The following PTPN3 variants were observed in gnomAD, a reference collection of about 807,000 sequenced individuals.
PTPN3 encodes protein tyrosine phosphatase non-receptor type 3.
Under a neutral mutation model 132.7 loss-of-function variants are expected in PTPN3, and 96 were observed. That is an observed-to-expected ratio of 0.72 (90% CI 0.61 to 0.86). The LOEUF is 0.86. Among genes scored for constraint, PTPN3 ranks in the 40% least tolerant of loss-of-function variants. The probability of loss-of-function intolerance (pLI) is 0.00; values close to 1 mark genes in which losing one functional copy is unlikely to be tolerated. For synonymous variants in PTPN3, 398 were observed against 429.0 expected (o/e 0.93, Z 0.89); for missense variants, 1,125 against 1,159.6 (o/e 0.97, Z 0.43).
In PTPN3 at chr9:109,379,585, C is replaced by T. The variant is rs962382044; in HGVS notation, c.2713G>A (p.Gly905Ser). ...CTAGGATCCAGCATTTGGACTAAAC[C>T]TTCTTCATACACACGAAGAATCGCT... is the stretch of plus-strand genomic sequence containing the variant. Reference protein sequence around the residue: ...CEAILRVYEEGLVQMLDPS With the variant: ...CEAILRVYEESLVQMLDPS Residue 905 changes from glycine to serine, a missense_variant, in exon 26 of 26, where the codon GGT becomes AGT. By Grantham distance (56) the Gly-to-Ser change is moderately conservative (BLOSUM62 0). Coordinates refer to ENST00000374541, the MANE Select transcript of PTPN3 (RefSeq NM_002829.4). The T allele has an allele frequency of 6.8e-6, 11 of 1,614,016 alleles. No individual in the cohort carries two copies. Among genetic ancestry groups the T allele is most frequent in the Non-Finnish European group, 9.3e-6 (11 of 1,179,992 alleles).
In PTPN3 at chr9:109,391,424, A is replaced by G. The variant is rs186978273; in HGVS notation, c.2044+47T>C. ...GACAATCTGTTTTAAAAAGGGAAAC[A>G]TTATCTCAGTGTAGGGGGGAAGGAG... is the stretch of plus-strand genomic sequence containing the variant. On this transcript the variant is annotated intron_variant, in intron 20 of 25. Coordinates refer to ENST00000374541, the MANE Select transcript of PTPN3 (RefSeq NM_002829.4). 9.3e-5 allele frequency: 143 copies of G among 1,541,808 alleles called. No individual in the cohort carries two copies. In the African/African-American group the frequency reaches 1.6e-3, roughly 18 times the overall value.
At chr9:109,417,974 A>C (rs1842643573) in intron 14 of PTPN3, among the ~76,000 whole-genome samples, 2 of 152,232 alleles carry the variant, frequency 1.3e-5, no homozygotes, top group Non-Finnish European at 2.9e-5. Flanking sequence ...CAGTGCTTGA[A>C]GGAGTGAATT....
chr9:109,450,850 C>T (rs896984802), intron 5 of PTPN3: 4 of 985,390 alleles, frequency 4.1e-6, no homozygotes, highest in Non-Finnish European at 4.8e-6. Context: ...ATGTAATGAC[C>T]TCTCTGCCTA....
rs775740833 is a variant in PTPN3 at position 109,463,282 on chromosome 9, A to G, written c.138+15T>C. The G allele has an allele frequency of 1.9e-6, 3 of 1,538,472 alleles. No homozygotes were observed. In the African/African-American group the frequency reaches 4.2e-5, roughly 22 times the overall value. On this transcript the variant is annotated intron_variant, in intron 2 of 25. Coordinates refer to ENST00000374541, the MANE Select transcript of PTPN3 (RefSeq NM_002829.4). The stretch of plus-strand genomic sequence containing the variant: ...TTAATTCAGGAAAAGTAAAAAAAAA[A>G]AGTAGAGAACTTACAGTAACTTTAA...
At chr9:109,485,189 T>C (rs920473789) in intron 1 of PTPN3, among the ~76,000 whole-genome samples, 13 of 150,924 alleles carry the variant, frequency 8.6e-5, no homozygotes, top group South Asian at 2.1e-4. Context: ...GCTTGGGTGA[T>C]AGAGTGAGAC....
At chr9:109,423,159 C>T (rs912912243) in intron 12 of PTPN3, among the ~76,000 whole-genome samples, 1 of 152,206 alleles carries the variant, frequency 6.6e-6, no homozygotes, top group African/African-American at 2.4e-5. Context: ...AAATACAGCT[C>T]CAGTGATTTC....
chr9:109,466,985 C>A (rs1028104623), intron 1 of PTPN3, among the ~76,000 whole-genome samples: 2 of 152,042 alleles, frequency 1.3e-5, no homozygotes, highest in Non-Finnish European at 2.9e-5. Context: ...CTCCCTTCTT[C>A]CTTAGATAAG....
chr9:109,516,465 A>G, the PTPN3 span, among the ~76,000 whole-genome samples: 1 of 152,168 alleles, frequency 6.6e-6, no homozygotes, highest in African/African-American at 2.4e-5. Flanking sequence ...GAAAGGGGAG[A>G]ACATTCTTGG....
At chr9:109,502,290 A>G (rs1182919959), upstream of PTPN3, among the ~76,000 whole-genome samples, 2 of 152,226 alleles carry the variant, frequency 1.3e-5, no homozygotes, top group African/African-American at 4.8e-5. Flanking sequence ...AGACTTGGGA[A>G]GTCTGCCCTA....
At position 109,383,467 on chromosome 9, in the gene PTPN3, T is replaced by G; in HGVS notation, c.2338A>C (p.Thr780Pro). Residue 780 changes from threonine (T) to proline (P), a missense_variant, in exon 23 of 26, where the codon ACC becomes CCC. By Grantham distance (38) the Thr-to-Pro change is conservative (BLOSUM62 -1). Transcript: ENST00000374541. ...ATTTCTCGGGACACATAGGCGATGGTGCAGTCCTCTGACTGACACTGGATG... is the reference window on the plus strand; with the variant it reads ...ATTTCTCGGGACACATAGGCGATGGGGCAGTCCTCTGACTGACACTGGATG... The part of the protein sequence containing the change: ...FHIQCQSEDC[T>P]IAYVSREMLV... 1.2e-6 allele frequency: 2 copies of G among 1,613,684 alleles called. No homozygotes were observed. Among genetic ancestry groups the G allele is most frequent in the Middle Eastern group, 1.7e-4 (1 of 6,060 alleles).
At chr9:109,520,415 A>C in the PTPN3 span, among the ~76,000 whole-genome samples, 2 of 152,242 alleles carry the variant, frequency 1.3e-5, no homozygotes, top group Non-Finnish European at 2.9e-5. Context: ...AAAGAAATGG[A>C]AAGGAAAAAA....
chr9:109,415,032 G>GTCCA (rs1842364857), intron 14 of PTPN3, among the ~76,000 whole-genome samples: 1 of 147,574 alleles, frequency 6.8e-6, no homozygotes, highest in South Asian at 2.3e-4. Context: ...TTGTCCGTCT[G>GTCCA]TCCGTCCGTC....
intron 5 of PTPN3, among the ~76,000 whole-genome samples, chr9:109,452,200 C>T (rs1970941): frequency 2.0e-5 from 3 of 146,684 alleles, no homozygotes; most frequent in African/African-American, 7.6e-5. Flanking sequence ...CCCGGGAGGC[C>T]GAGGTTACAG....
chr9:109,389,189 G>C, intron 22 of PTPN3, 44 bp downstream of exon 22: 1 of 1,605,448 alleles, frequency 6.2e-7, no homozygotes, highest in Non-Finnish European at 8.5e-7. Flanking sequence ...CACAGAGTAG[G>C]GTGTGACACT....
At chr9:109,515,022 A>G in the PTPN3 span, among the ~76,000 whole-genome samples, 1 of 151,968 alleles carries the variant, frequency 6.6e-6, no homozygotes, top group Non-Finnish European at 1.5e-5. Flanking sequence ...GCTGGCAGAT[A>G]CAAGAGGTTT....
At chr9:109,466,951 A>G (rs1180675462) in intron 1 of PTPN3, among the ~76,000 whole-genome samples, 1 of 152,118 alleles carries the variant, frequency 6.6e-6, no homozygotes, top group African/African-American at 2.4e-5. Context: ...TCATATCATT[A>G]TATTTAAGGA....
At chr9:109,399,368 C>A (rs1192938432) in intron 19 of PTPN3, among the ~76,000 whole-genome samples, 1 of 152,190 alleles carries the variant, frequency 6.6e-6, no homozygotes, top group Non-Finnish European at 1.5e-5. Context: ...CTATCTCTGA[C>A]TAGTTGTGTG....
intron 7 of PTPN3, among the ~76,000 whole-genome samples, chr9:109,440,336 C>T (rs1000381978): frequency 3.3e-5 from 5 of 152,166 alleles, no homozygotes; most frequent in Non-Finnish European, 4.4e-5. Flanking sequence ...GCACATGGTG[C>T]GTTCACAGGA....
chr9:109,428,208 A>G (rs1302244382), intron 11 of PTPN3, among the ~76,000 whole-genome samples: 1 of 152,218 alleles, frequency 6.6e-6, no homozygotes, highest in African/African-American at 2.4e-5. Flanking sequence ...GAATTTCTGG[A>G]AACAAGGTAA....
Sources: gnomAD v4.1 joint callset for allele counts (sites outside exome capture counted in the v4.1 genomes callset) on GRCh38, gnomAD v4.1.1 for gene constraint, MANE v1.5 for transcripts, NCBI Gene and HGNC (gene_info 2026-07-23, HGNC 2026-07-21) for gene names.